The following SOX6 variants were observed in gnomAD, a reference collection of about 807,000 sequenced individuals.
SOX6 encodes SRY-box transcription factor 6, also known as transcription factor SOX-6.
SOX6 carries 11 observed loss-of-function variants against 97.8 expected under a neutral mutation model. The observed-to-expected ratio is 0.11, with a 90% CI of 0.07 to 0.19. SOX6 has a LOEUF of 0.19. Among genes scored for constraint, SOX6 ranks in the 10% least tolerant of loss-of-function variants. SOX6 has a pLI of 1.00. For missense variants in SOX6, 810 were observed against 1,039.5 expected (o/e 0.78, Z 3.04); for synonymous variants, 360 against 371.4 (o/e 0.97, Z 0.35).
intron 2 of SOX6, among the ~76,000 whole-genome samples, chr11:16,730,328 T>C (rs1342523901): frequency 6.6e-6 from 1 of 151,976 alleles, no homozygotes; most frequent in East Asian, 1.9e-4. Context: ...TATCCTAAAA[T>C]TGGCCACACA....
At chr11:16,568,940 A>C (rs1201757066) in intron 4 of SOX6, among the ~76,000 whole-genome samples, 1 of 152,108 alleles carries the variant, frequency 6.6e-6, no homozygotes, top group Admixed American at 6.5e-5. Context: ...TTTACTTTTC[A>C]TCCTTCTATC....
rs1324240288 is a variant in SOX6 at position 16,127,797 on chromosome 11, A to T, written c.778-15874T>A. On this transcript the variant is annotated intron_variant, in intron 6 of 15. Coordinates refer to ENST00000683767, the MANE Select transcript of SOX6 (RefSeq NM_001367873.1). ...ATGGGGTCTCCCTCAAACAGCATGG[A>T]TAATGAGGGGAATCCATAACAGACA... Among the ~76,000 whole-genome samples, 7 of 152,178 alleles carry T rather than the reference A, an allele frequency of 4.6e-5. No individual in the cohort carries two copies. The East Asian group carries it at 1.3e-3, about 29-fold the overall frequency.
intron 7 of SOX6, among the ~76,000 whole-genome samples, chr11:16,107,395 GTA>G (rs199589880): frequency 7.1e-6 from 1 of 140,846 alleles, no homozygotes; most frequent in African/African-American, 2.8e-5. Flanking sequence ...ACATATATAT[GTA>G]TATATATGTA....
intron 4 of SOX6, among the ~76,000 whole-genome samples, chr11:16,523,809 C>T (rs538414265): frequency 1.1e-4 from 16 of 152,112 alleles, no homozygotes; most frequent in South Asian, 6.2e-4. Flanking sequence ...ATATCACCAC[C>T]GATCCCACAG....
intron 4 of SOX6, among the ~76,000 whole-genome samples, chr11:16,230,017 T>A (rs552314942): frequency 6.6e-6 from 1 of 151,836 alleles, no homozygotes; most frequent in Non-Finnish European, 1.5e-5. Context: ...AATAAAATGA[T>A]GCAGTACATT....
chr11:16,075,175 T>A (rs1034709519), intron 9 of SOX6, among the ~76,000 whole-genome samples: 1 of 152,136 alleles, frequency 6.6e-6, no homozygotes, highest in African/African-American at 2.4e-5. Context: ...TAACTGGCTA[T>A]CTGTATTAGT....
chr11:16,284,774 G>A (rs1023413230), intron 3 of SOX6, among the ~76,000 whole-genome samples: 3 of 151,982 alleles, frequency 2.0e-5, no homozygotes, highest in Non-Finnish European at 4.4e-5. Flanking sequence ...AAACCCACCC[G>A]CTACTATTTC....
At chr11:16,514,894 G>T (rs1163128554) in intron 4 of SOX6, among the ~76,000 whole-genome samples, 1 of 151,626 alleles carries the variant, frequency 6.6e-6, no homozygotes, top group South Asian at 2.1e-4. Flanking sequence ...TTTTATGGCT[G>T]CATAGTATTC....
intron 4 of SOX6, among the ~76,000 whole-genome samples, chr11:16,603,931 G>C (rs938392865): frequency 1.3e-5 from 2 of 152,230 alleles, no homozygotes; most frequent in African/African-American, 4.8e-5. Flanking sequence ...CTGGAACCCA[G>C]AACAGAGCTG....
rs1848553651 is a variant in SOX6, at chr11:16,085,282, G to C, written c.1101+10714C>G. On this transcript the variant is annotated intron_variant, in intron 9 of 15. Transcript: ENST00000683767. ...ATGGTGAGGACTGGTTGGGGCACAT[G>C]CTCCATTCCAGTGACAGTAAGTGTT... Among the ~76,000 whole-genome samples the C allele has an allele frequency of 3.9e-5, 6 of 152,168 alleles. No homozygotes were observed. In the South Asian group the frequency reaches 1.2e-3, roughly 32 times the overall value.
chr11:16,293,479 A>G (rs1854974975), intron 3 of SOX6, among the ~76,000 whole-genome samples: 1 of 152,120 alleles, frequency 6.6e-6, no homozygotes, highest in Non-Finnish European at 1.5e-5. Context: ...CTAAGAGAGC[A>G]CTGCCCTACT....
At chr11:16,296,882 A>T (rs2134267161) in intron 3 of SOX6, among the ~76,000 whole-genome samples, 2 of 152,246 alleles carry the variant, frequency 1.3e-5, no homozygotes, top group African/African-American at 4.8e-5. Flanking sequence ...ATAATAGTGG[A>T]ATCTTCAGAG....
intron 6 of SOX6, among the ~76,000 whole-genome samples, chr11:16,182,309 C>T (rs992431514): frequency 4.6e-5 from 7 of 151,884 alleles, no homozygotes; most frequent in African/African-American, 1.7e-4. Flanking sequence ...AAGAACACCT[C>T]AGGGAACTTC....
At chr11:16,538,037 G>A (rs1861336731) in intron 4 of SOX6, among the ~76,000 whole-genome samples, 2 of 152,058 alleles carry the variant, frequency 1.3e-5, no homozygotes, top group Non-Finnish European at 2.9e-5. Context: ...GATTCACCAA[G>A]GTTAAAATGA....
At chr11:16,271,775 A>T (rs990958690) in intron 3 of SOX6, among the ~76,000 whole-genome samples, 2 of 151,250 alleles carry the variant, frequency 1.3e-5, no homozygotes, top group Non-Finnish European at 3.0e-5. Context: ...TTTAGTTAAA[A>T]TTTGTATTAC....
intron 7 of SOX6, 78 bp from the exon 8 acceptor site, chr11:16,097,766 G>A (rs991043359): frequency 1.1e-5 from 14 of 1,300,502 alleles, no homozygotes; most frequent in Non-Finnish European, 1.4e-5. Flanking sequence ...ATGGTCCTTG[G>A]ATTGCCTGAG....
At chr11:16,521,590 G>T (rs1018027551) in intron 4 of SOX6, among the ~76,000 whole-genome samples, 1 of 152,210 alleles carries the variant, frequency 6.6e-6, no homozygotes, top group African/African-American at 2.4e-5. Flanking sequence ...CTCCTCCAAA[G>T]GAATGCAGTT....
intron 3 of SOX6, among the ~76,000 whole-genome samples, chr11:16,285,561 T>A (rs1381309677): frequency 6.6e-6 from 1 of 151,992 alleles, no homozygotes; most frequent in Non-Finnish European, 1.5e-5. Flanking sequence ...TTATATATAT[T>A]TTTAGAAGGA....
At chr11:16,429,040 T>C (rs1859216969) in intron 1 of SOX6, among the ~76,000 whole-genome samples, 1 of 151,940 alleles carries the variant, frequency 6.6e-6, no homozygotes, top group Non-Finnish European at 1.5e-5. Flanking sequence ...TTTTCAAAAG[T>C]AAGACATAAA....
Sources: allele counts gnomAD v4.1 joint callset (sites outside exome capture counted in the v4.1 genomes callset), GRCh38; gene constraint gnomAD v4.1.1; transcripts MANE v1.5; gene names NCBI Gene and HGNC (gene_info 2026-07-23, HGNC 2026-07-21).